Variants in ASIC2 observed in about 807,000 individuals in gnomAD.
ASIC2 encodes acid-sensing ion channel 2.
Under a neutral mutation model 57.3 loss-of-function variants are expected in ASIC2, and 25 were observed. That is an observed-to-expected ratio of 0.44 (90% CI 0.32 to 0.61). ASIC2 has a LOEUF of 0.61. ASIC2 is among the 20% of genes least tolerant of loss of function. ASIC2 has a pLI of 0.06. For missense variants in ASIC2, 641 were observed against 738.1 expected (o/e 0.87, Z 1.52); for synonymous variants, 319 against 307.5 (o/e 1.04, Z -0.39).
rs553024930 is a variant in ASIC2, at chr17:33,712,695, G to C, written c.555+443283C>G. ...GAGTCTTGCTCTGTCGCCCAGGCTG[G>C]AGTGCAGTGGCGGGATCTCGGCTCA... On this transcript the variant is annotated intron_variant, in intron 1 of 9. Coordinates refer to the ASIC2 transcript ENST00000359872. Among the ~76,000 whole-genome samples the C allele has an allele frequency of 1.2e-4, 17 of 139,348 alleles. 1 individual carries two copies. The East Asian group carries it at 3.5e-3, about 29-fold the overall frequency. 91.4% of individuals were successfully genotyped at this position (139,348 alleles called of 152,430 possible). A position where few individuals can be genotyped will look rare whatever the true frequency, so the allele number is the denominator to read the frequency against.
chr17:33,996,293 C>G (rs923637167), intron 1 of ASIC2, among the ~76,000 whole-genome samples: 4 of 152,152 alleles, frequency 2.6e-5, no homozygotes, highest in African/African-American at 9.7e-5. Flanking sequence ...TTATCCCATT[C>G]TGTAGGTTGC....
intron 1 of ASIC2, among the ~76,000 whole-genome samples, chr17:33,560,563 G>A (rs1597784986): frequency 6.6e-6 from 1 of 152,190 alleles, no homozygotes; most frequent in Non-Finnish European, 1.5e-5. Flanking sequence ...GGAAAGCGAG[G>A]TGTGGGTCTG....
chr17:34,134,880 C>T lies in ASIC2; in HGVS notation c.555+21098G>A, dbSNP rs188700007. 1.8e-3 allele frequency among the ~76,000 whole-genome samples: 278 copies of T among 152,264 alleles called. 2 individuals carry two copies. Among genetic ancestry groups the T allele is most frequent in the African/African-American group, 6.5e-3 (271 of 41,534 alleles). ...CACCCCCTACCTTCGCCCACCCATACGTAGGCAGTACCTCCTTGGGCCCCT... is the reference window on the plus strand; with the variant it reads ...CACCCCCTACCTTCGCCCACCCATATGTAGGCAGTACCTCCTTGGGCCCCT... On this transcript the variant is annotated intron_variant, in intron 1 of 9. Transcript: ENST00000359872.
chr17:33,476,919 T>C (rs1015087880), intron 1 of ASIC2, among the ~76,000 whole-genome samples: 1 of 152,114 alleles, frequency 6.6e-6, no homozygotes, highest in Admixed American at 6.6e-5. Flanking sequence ...GCCTCAGCAG[T>C]TGGGGAGACC....
rs1343950428 is a variant in ASIC2, at chr17:33,049,557, A to G, written c.988-21165T>C. On this transcript the variant is annotated intron_variant, in intron 3 of 9. Transcript: ENST00000225823. ...TGGAGTTGTTACCTTAGATTTGATG[A>G]GATACACAGCAAATGGACTCATGAT... is the stretch of plus-strand genomic sequence containing the variant. Among the ~76,000 whole-genome samples, 6 of 152,190 alleles carry G rather than the reference A, an allele frequency of 3.9e-5. No homozygotes were observed. The East Asian group carries it at 1.2e-3, about 29-fold the overall frequency.
intron 1 of ASIC2, among the ~76,000 whole-genome samples, chr17:33,589,076 C>A (rs9896099): frequency 6.6e-6 from 1 of 152,088 alleles, no homozygotes; most frequent in Non-Finnish European, 1.5e-5. Context: ...AAGCATGCCA[C>A]GTATATCAGA....
chr17:33,381,469 C>T (rs773140917), intron 1 of ASIC2, among the ~76,000 whole-genome samples: 6 of 152,210 alleles, frequency 3.9e-5, no homozygotes, highest in South Asian at 4.1e-4. Context: ...TCTGGGCTTC[C>T]GGCAGCATCT....
At chr17:33,614,937 C>T (rs186720591) in intron 1 of ASIC2, among the ~76,000 whole-genome samples, 1,582 of 152,272 alleles carry the variant, frequency 0.01, 17 homozygotes, top group South Asian at 0.024. Flanking sequence ...CCTTAAAGTG[C>T]GCGTAATAAT....
At chr17:34,143,355 G>A (rs979268560) in intron 1 of ASIC2, among the ~76,000 whole-genome samples, 2 of 152,194 alleles carry the variant, frequency 1.3e-5, no homozygotes, top group Admixed American at 6.5e-5. Flanking sequence ...AAAAACTCAT[G>A]TTGAAGCTTG....
chr17:33,312,626 A>G (rs1024135019), intron 1 of ASIC2, among the ~76,000 whole-genome samples: 2 of 152,168 alleles, frequency 1.3e-5, no homozygotes, highest in African/African-American at 4.8e-5. Context: ...ATATATCCAT[A>G]AAGATCACCA....
At chr17:33,714,402 A>C (rs887647240) in intron 1 of ASIC2, among the ~76,000 whole-genome samples, 4 of 152,220 alleles carry the variant, frequency 2.6e-5, no homozygotes, top group African/African-American at 9.6e-5. Flanking sequence ...TATGTTCCTA[A>C]AATGGAATAT....
intron 1 of ASIC2, among the ~76,000 whole-genome samples, chr17:33,782,449 G>A (rs142815298): frequency 3.1e-4 from 47 of 150,852 alleles, no homozygotes; most frequent in African/African-American, 1.1e-3. Context: ...AATATAAGCT[G>A]GCCAGGCATG....
chr17:33,929,344 G>A (rs574985954), intron 1 of ASIC2, among the ~76,000 whole-genome samples: 3 of 152,184 alleles, frequency 2.0e-5, no homozygotes, highest in Non-Finnish European at 2.9e-5. Flanking sequence ...CTACTTGACT[G>A]TGTCTCCCAC....
chr17:34,086,694 C>A (rs1910124135), intron 1 of ASIC2, among the ~76,000 whole-genome samples: 1 of 152,094 alleles, frequency 6.6e-6, no homozygotes, highest in Non-Finnish European at 1.5e-5. Flanking sequence ...GTAGGTCACT[C>A]AGGACTTGCT....
chr17:33,357,356 G>A (rs1387706968), intron 1 of ASIC2, among the ~76,000 whole-genome samples: 3 of 152,168 alleles, frequency 2.0e-5, no homozygotes, highest in Admixed American at 2.0e-4. Flanking sequence ...CAATGACTTA[G>A]AATTGGTAGA....
At chr17:33,832,078 A>G (rs1422222442) in intron 1 of ASIC2, among the ~76,000 whole-genome samples, 1 of 152,196 alleles carries the variant, frequency 6.6e-6, no homozygotes, top group Non-Finnish European at 1.5e-5. Flanking sequence ...AACTGGAGTT[A>G]TTTCTTATCA....
At chr17:33,769,723 C>A (rs1911039127) in intron 1 of ASIC2, among the ~76,000 whole-genome samples, 1 of 152,226 alleles carries the variant, frequency 6.6e-6, no homozygotes, top group South Asian at 2.1e-4. Flanking sequence ...ACGATCCACT[C>A]TCAAACAGCA....
At chr17:33,189,536 T>C (rs548089456) in intron 1 of ASIC2, among the ~76,000 whole-genome samples, 49 of 152,184 alleles carry the variant, frequency 3.2e-4, no homozygotes, top group African/African-American at 1.2e-3. Flanking sequence ...TTAGATTGTA[T>C]TGAAAAATGC....
intron 1 of ASIC2, among the ~76,000 whole-genome samples, chr17:33,441,479 G>T (rs935952618): frequency 6.6e-6 from 1 of 152,066 alleles, no homozygotes; most frequent in African/African-American, 2.4e-5. Context: ...ATTGATTTTT[G>T]TGTATGCTAA....
Sources: allele counts gnomAD v4.1 joint callset (sites outside exome capture counted in the v4.1 genomes callset), GRCh38; gene constraint gnomAD v4.1.1; transcripts MANE v1.5; gene names NCBI Gene and HGNC (gene_info 2026-07-23, HGNC 2026-07-21).